Variants in LANCL1 observed in about 807,000 individuals in gnomAD.
The protein encoded by LANCL1 is LanC like glutathione S-transferase 1.
In LANCL1, 50 loss-of-function variants were observed where a neutral mutation model predicts 50.6. The observed-to-expected ratio is 0.99, with a 90% CI of 0.79 to 1.25. The LOEUF is 1.25. Among genes scored for constraint, LANCL1 ranks in the 50% most tolerant of loss-of-function variants. LANCL1 has a pLI of 0.00. For missense variants in LANCL1, 532 were observed against 480.7 expected, an observed-to-expected ratio of 1.11 and a Z score of -1.00; for synonymous variants, 188 against 178.6, an observed-to-expected ratio of 1.05 and a Z score of -0.42.
Position 210,472,041 on chromosome 2 carries a change from C to A in LANCL1, c.117G>T (p.Lys39Asn). ...TPEFSQRLTN[K>N]IRELLQQMER... ...CCATTTGCTGAAGAAGCTCCCGAAT[C>A]TTATTGGTCAAGCGTTGTGAGAACT... Residue 39 changes from lysine to asparagine, a missense_variant, in exon 3 of 10, where the codon AAG becomes AAT. Lys to Asn is a moderately conservative substitution (Grantham distance 94). Transcript: ENST00000450366. 1.9e-6 allele frequency: 3 copies of A among 1,614,118 alleles called. No homozygotes were observed. Among genetic ancestry groups the A allele is most frequent in the Non-Finnish European group, 1.7e-6 (2 of 1,179,990 alleles).
rs575727978 is a variant in LANCL1, at chr2:210,469,751, A to C, written c.199+2208T>G. Among the ~76,000 whole-genome samples the C allele has an allele frequency of 5.0e-4, 76 of 152,332 alleles. 1 individual carries two copies. Among genetic ancestry groups the C allele is most frequent in the African/African-American group, 1.5e-3 (64 of 41,582 alleles). On this transcript the variant is annotated intron_variant, in intron 3 of 9. Coordinates refer to ENST00000450366, the MANE Select transcript of LANCL1 (RefSeq NM_006055.3). ...GGAGTGAAATGTCTTTGCTATTTCC[A>C]AAGTTTTTAACTTTTGGGTTCTCAA...
intron 3 of LANCL1, among the ~76,000 whole-genome samples, chr2:210,466,493 A>C (rs191516229): frequency 1.3e-5 from 2 of 152,322 alleles, no homozygotes; most frequent in Non-Finnish European, 2.9e-5. Context: ...GCTAATGCAC[A>C]AATTATAGGC....
chr2:210,434,511 G>C lies in LANCL1; in HGVS notation c.1176C>G (p.Ala392=). 1 of 1,613,342 alleles carries C rather than the reference G, an allele frequency of 6.2e-7. No individual in the cohort carries two copies. The highest frequency in any genetic ancestry group is 1.3e-5 in the African/African-American group (1 of 75,046). Residue 392 remains alanine, a synonymous_variant, in exon 10 of 10, where the codon GCC becomes GCG. Transcript: ENST00000450366. ...TTCAGAGTTCAAATGCAGGGAACCT[G>C]GCTTTTGTGGGGACTAGCAGGTCAG... ...FLADLLVPTK[A]RFPAFEL is the part of the protein sequence containing the mutation.
intron 3 of LANCL1, among the ~76,000 whole-genome samples, chr2:210,460,320 G>A (rs1693813645): frequency 6.6e-6 from 1 of 152,126 alleles, no homozygotes; most frequent in African/African-American, 2.4e-5. Flanking sequence ...AGGCTCACTG[G>A]AGGTGCTTAA....
At chr2:210,449,565 C>T (rs1693448981) in intron 4 of LANCL1, among the ~76,000 whole-genome samples, 1 of 152,178 alleles carries the variant, frequency 6.6e-6, no homozygotes, top group Admixed American at 6.5e-5. Context: ...GTCAAATTGT[C>T]TCTGTCTGCA....
intron 4 of LANCL1, among the ~76,000 whole-genome samples, chr2:210,443,280 T>A (rs1392448166): frequency 2.0e-5 from 3 of 152,174 alleles, no homozygotes; most frequent in African/African-American, 4.8e-5. Flanking sequence ...GCAAATATGA[T>A]AGGGAAGAAA....
At chr2:210,436,561 C>CTA (rs1341199209) in intron 7 of LANCL1, among the ~76,000 whole-genome samples, 169 bp from the exon 8 acceptor site, 4 of 152,118 alleles carry the variant, frequency 2.6e-5, no homozygotes, top group African/African-American at 9.7e-5. Context: ...CTAAAATCGA[C>CTA]TAGTTTGGCT....
intron 3 of LANCL1, chr2:210,468,847 T>A (rs1408832589): frequency 6.6e-6 from 1 of 152,232 alleles, no homozygotes; most frequent in Non-Finnish European, 1.5e-5. Flanking sequence ...TTTCTGGCCT[T>A]CTTTTACAAG....
intron 5 of LANCL1, 142 bp from the exon 6 acceptor site, chr2:210,440,886 T>C (rs1277006107): frequency 9.7e-6 from 7 of 723,278 alleles, no homozygotes; most frequent in Non-Finnish European, 1.6e-5. Context: ...CACAGTTTAA[T>C]TCTCCATCAG....
chr2:210,457,350 A>G (rs1693702645), intron 3 of LANCL1, among the ~76,000 whole-genome samples: 1 of 152,216 alleles, frequency 6.6e-6, no homozygotes, highest in Non-Finnish European at 1.5e-5. Context: ...ATGACAGAAA[A>G]AAGGGAGGAC....
In LANCL1 at chr2:210,471,943, A is replaced by G; in HGVS notation, c.199+16T>C. 1 of 1,544,386 alleles carries G rather than the reference A, an allele frequency of 6.5e-7. No homozygotes were observed. The highest frequency in any genetic ancestry group is 9.0e-7 in the Non-Finnish European group (1 of 1,116,314). On this transcript the variant is annotated intron_variant, in intron 3 of 9. Coordinates refer to ENST00000450366, the MANE Select transcript of LANCL1 (RefSeq NM_006055.3). ...AAGCACAATGCTTATGCCAGCTCACAGTCAGCACTTCATACCTGCCCAGCC... is the reference window on the plus strand; with the variant it reads ...AAGCACAATGCTTATGCCAGCTCACGGTCAGCACTTCATACCTGCCCAGCC...
At position 210,437,816 on chromosome 2, in the gene LANCL1, G is replaced by C. The variant is rs775934746; in HGVS notation, c.747C>G (p.Asp249Glu). 1.9e-6 allele frequency: 3 copies of C among 1,613,434 alleles called. No individual in the cohort carries two copies. The highest frequency in any genetic ancestry group is 2.5e-6 in the Non-Finnish European group (3 of 1,179,718). ...KLHSLVKPSV[D>E]YVCQLKFPSG... ...AAGGGAATTTCAGCTGGCAGACGTA[G>C]TCTACACTGGGCTTGACCAAACTAT... The change falls in exon 7 of 10, where the codon GAC becomes GAG. Residue 249 changes from aspartate (D) to glutamate (E), a missense_variant. Physicochemically the swap from Asp to Glu is conservative, Grantham distance 45 (BLOSUM62 2). Coordinates refer to ENST00000450366, the MANE Select transcript of LANCL1 (RefSeq NM_006055.3).
Position 210,455,120 on chromosome 2 carries a change from C to T in LANCL1, c.394G>A (p.Asp132Asn). Reference protein sequence around the residue: ...HKMNNEKQAEDCITRLIHLNK... With the variant: ...HKMNNEKQAENCITRLIHLNK... ...AAACATGATTACCGTGTGATGCAAT[C>T]TTCTGCCTGCTTCTCATTGTTCATC... The change falls in exon 4 of 10, where the codon GAT (aspartate) becomes AAT (asparagine). Residue 132 changes from aspartate to asparagine, a missense_variant. Transcript: ENST00000450366. 1 of 1,613,350 alleles carries T rather than the reference C, an allele frequency of 6.2e-7. No homozygotes were observed. The highest frequency in any genetic ancestry group is 8.5e-7 in the Non-Finnish European group (1 of 1,179,472).
intron 3 of LANCL1, among the ~76,000 whole-genome samples, chr2:210,465,366 AGTC>A (rs1694020132): frequency 6.6e-6 from 1 of 152,254 alleles, no homozygotes; most frequent in African/African-American, 2.4e-5. Flanking sequence ...AGCAGAAAAA[AGTC>A]GTGACATTAC....
intron 2 of LANCL1, among the ~76,000 whole-genome samples, chr2:210,474,591 T>A (rs1337679155): frequency 6.7e-6 from 1 of 149,922 alleles, no homozygotes; most frequent in Non-Finnish European, 1.5e-5. Flanking sequence ...CCAGGTGCGG[T>A]GGTGTGCACC....
intron 4 of LANCL1, among the ~76,000 whole-genome samples, chr2:210,445,967 A>G (rs1024758657): frequency 6.6e-6 from 1 of 152,222 alleles, no homozygotes; most frequent in Non-Finnish European, 1.5e-5. Flanking sequence ...CAGTCAGGGA[A>G]TTACAGATAA....
At chr2:210,447,339 A>G (rs182750764) in intron 4 of LANCL1, among the ~76,000 whole-genome samples, 2 of 152,338 alleles carry the variant, frequency 1.3e-5, no homozygotes, top group Admixed American at 1.3e-4. Context: ...CTGCCTTACA[A>G]GAGCTCCTGA....
At chr2:210,453,525 G>GGCAA (rs1159932280) in intron 4 of LANCL1, among the ~76,000 whole-genome samples, 1 of 152,048 alleles carries the variant, frequency 6.6e-6, no homozygotes, top group Non-Finnish European at 1.5e-5. Flanking sequence ...TATGAATCTT[G>GGCAA]GTCTCATTGA....
intron 3 of LANCL1, among the ~76,000 whole-genome samples, chr2:210,457,913 C>T (rs1476443311): frequency 6.6e-6 from 1 of 152,196 alleles, no homozygotes; most frequent in Non-Finnish European, 1.5e-5. Flanking sequence ...TGGGCACAGG[C>T]TGCTAAGAAC....
Sources: allele counts gnomAD v4.1 joint callset (sites outside exome capture counted in the v4.1 genomes callset), GRCh38; gene constraint gnomAD v4.1.1; transcripts MANE v1.5; gene names NCBI Gene and HGNC (gene_info 2026-07-23, HGNC 2026-07-21).